Variants in RANBP3 observed in about 807,000 individuals in gnomAD.
RANBP3 encodes the protein ran-binding protein 3.
Under a neutral mutation model 77.3 loss-of-function variants are expected in RANBP3, and 14 were observed. The ratio of observed to expected loss-of-function variants is 0.18; its 90% CI spans 0.12 to 0.28. The LOEUF (loss-of-function observed/expected upper bound fraction) is 0.28, where lower values mean the gene tolerates loss of function less well. Among genes scored for constraint, RANBP3 ranks in the 10% least tolerant of loss-of-function variants. The pLI, the probability that RANBP3 is intolerant of heterozygous loss-of-function variation, is 1.00. For missense variants in RANBP3, 586 were observed against 752.3 expected, an observed-to-expected ratio of 0.78 and a Z score of 2.59; for synonymous variants, 315 against 312.4, an observed-to-expected ratio of 1.01 and a Z score of -0.09.
At chr19:5,972,359 CTG>C (rs1358227261) in intron 1 of RANBP3, among the ~76,000 whole-genome samples, 31 of 152,338 alleles carry the variant, frequency 2.0e-4, no homozygotes, top group African/African-American at 7.2e-4. Context: ...AGGAAGCAAA[CTG>C]TGGACATGTG....
In RANBP3 at chr19:5,964,848, A is replaced by AGGG. The variant is rs1327034714; in HGVS notation, c.23-6878_23-6876dup. 8.5e-4 allele frequency among the ~76,000 whole-genome samples: 4 copies of AGGG among 4,726 alleles called. No individual in the cohort carries two copies. In the East Asian group the frequency reaches 0.045, roughly 54 times the overall value. 3.1% of individuals were successfully genotyped at this position (4,726 alleles called of 152,430 possible). A position where few individuals can be genotyped will look rare whatever the true frequency, so the allele number is the denominator to read the frequency against. Reference sequence around the variant, plus strand: ...GGAAGAGGAGCTAAGTGGAGGTGGTAGGGTGGGGGGGGGGGTGGCACGGTG... The same window carrying AGGG: ...GGAAGAGGAGCTAAGTGGAGGTGGTAGGGGGGTGGGGGGGGGGGTGGCACGGTG... On this transcript the variant is annotated intron_variant, in intron 1 of 16. Transcript: ENST00000340578.
chr19:5,960,603 AAGG>A (rs1320827468), intron 1 of RANBP3, among the ~76,000 whole-genome samples: 1 of 152,064 alleles, frequency 6.6e-6, no homozygotes, highest in Non-Finnish European at 1.5e-5. Context: ...AGGGGGAGGG[AAGG>A]AGGACATTAG....
chr19:5,923,594 C>T (rs906781673), intron 12 of RANBP3, among the ~76,000 whole-genome samples: 1 of 152,214 alleles, frequency 6.6e-6, no homozygotes, highest in African/African-American at 2.4e-5. Context: ...CCTGCGCCTC[C>T]CCACCCTCCC....
At position 5,952,316 on chromosome 19, in the gene RANBP3, C is replaced by T. The variant is rs2058286015; in HGVS notation, c.79-720G>A. On this transcript the variant is annotated intron_variant, in intron 2 of 16. Transcript: ENST00000340578. The surrounding 1 kb of genome is among the most constrained non-coding windows in gnomAD (Gnocchi z 4.1). ...CAGCCTAGGATTCTCCCAGGTGCAT[C>T]CTCAACACCCCAGGCAAGGGCTCAT... 6.6e-6 allele frequency among the ~76,000 whole-genome samples: 1 copy of T among 152,102 alleles called. No individual in the cohort carries two copies. Among genetic ancestry groups the T allele is most frequent in the Non-Finnish European group, 1.5e-5 (1 of 68,016 alleles).
intron 9 of RANBP3, among the ~76,000 whole-genome samples, chr19:5,925,979 ACCTTGTTACAAAACCACG>A (rs1159802204): frequency 1.3e-5 from 2 of 152,234 alleles, no homozygotes; most frequent in African/African-American, 2.4e-5. Flanking sequence ...AGCCTTTTCC[ACCTTGTTACAAAACCACG>A]CCTTGTTATA....
At chr19:5,950,913 A>G (rs1434906844) in intron 3 of RANBP3, 1 of 174,696 alleles carries the variant, frequency 5.7e-6, no homozygotes, top group Non-Finnish European at 1.2e-5. Context: ...CCTTAACCAC[A>G]GTCCAAACAC....
intron 5 of RANBP3, among the ~76,000 whole-genome samples, chr19:5,940,318 G>A (rs1412751900): frequency 6.6e-6 from 1 of 152,158 alleles, no homozygotes; most frequent in Non-Finnish European, 1.5e-5. Context: ...TGAGGGGGAA[G>A]GAATAAAATC....
At chr19:5,936,432 C>G (rs1255141685) in intron 5 of RANBP3, among the ~76,000 whole-genome samples, 1 of 152,060 alleles carries the variant, frequency 6.6e-6, no homozygotes, top group East Asian at 1.9e-4. Flanking sequence ...TGCAGGCAGG[C>G]AGGCAGGCAG....
rs2058372227 is a variant in RANBP3 at position 5,959,309 on chromosome 19, G to C, written c.23-1336C>G. 6.6e-6 allele frequency among the ~76,000 whole-genome samples: 1 copy of C among 152,142 alleles called. No individual in the cohort carries two copies. The highest frequency in any genetic ancestry group is 1.5e-5 in the Non-Finnish European group (1 of 68,016). On this transcript the variant is annotated intron_variant, in intron 1 of 16. Coordinates refer to ENST00000340578, the MANE Select transcript of RANBP3 (RefSeq NM_007322.3). This position sits in a 1 kb window ranked among gnomAD's most constrained non-coding sequence, Gnocchi z 5.1. ...TGGCTGTGGGGAGACCAGGTGGGTA[G>C]TGACTGAGGTGGAGAGAAAGGGACA...
At chr19:5,943,361 G>T (rs2058163956) in intron 3 of RANBP3, among the ~76,000 whole-genome samples, 1 of 152,210 alleles carries the variant, frequency 6.6e-6, no homozygotes, top group Non-Finnish European at 1.5e-5. Flanking sequence ...AGGAGCCAAG[G>T]CAGACCCCCC....
chr19:5,933,723 C>T (rs924227837), intron 5 of RANBP3: 4 of 443,366 alleles, frequency 9.0e-6, no homozygotes, highest in African/African-American at 4.1e-5. Flanking sequence ...ACCATGGGGG[C>T]AGGTGGGGCG....
intron 6 of RANBP3, chr19:5,933,162 C>T (rs754958768): frequency 1.8e-5 from 8 of 453,588 alleles, no homozygotes; most frequent in Admixed American, 4.0e-5. Context: ...GGAGCCCGCC[C>T]GATGCACCCC....
At chr19:5,944,804 C>T (rs1334557071) in intron 3 of RANBP3, among the ~76,000 whole-genome samples, 2 of 152,240 alleles carry the variant, frequency 1.3e-5, no homozygotes, top group African/African-American at 2.4e-5. Flanking sequence ...AGGACATCCC[C>T]ACCCCCAAGT....
At chr19:5,936,230 C>G (rs974776706) in intron 5 of RANBP3, among the ~76,000 whole-genome samples, 1 of 152,214 alleles carries the variant, frequency 6.6e-6, no homozygotes, top group Admixed American at 6.5e-5. Flanking sequence ...CTCAGCCATG[C>G]GGTGGGCAGG....
At chr19:5,935,283 C>T (rs1183320411) in intron 5 of RANBP3, among the ~76,000 whole-genome samples, 1 of 152,182 alleles carries the variant, frequency 6.6e-6, no homozygotes, top group Non-Finnish European at 1.5e-5. Context: ...AGTCCAGCCC[C>T]AGGGGCTTCT....
At chr19:5,978,014 C>G in intron 1 of RANBP3, 47 bp downstream of exon 1, 1 of 1,606,304 alleles carries the variant, frequency 6.2e-7, no homozygotes, top group Non-Finnish European at 8.5e-7. Flanking sequence ...GTCCTCCCGC[C>G]GCCCGTTCCC....
chr19:5,964,868 A>AGGG (rs2058447688), intron 1 of RANBP3, among the ~76,000 whole-genome samples: 6 of 35,474 alleles, frequency 1.7e-4, no homozygotes, highest in Non-Finnish European at 2.1e-4. Flanking sequence ...GGGGGGTGGC[A>AGGG]CGGTGGGGGG....
At chr19:5,932,681 G>C (rs1227038003) in intron 6 of RANBP3, 137 bp from the exon 7 acceptor site, 4 of 632,772 alleles carry the variant, frequency 6.3e-6, no homozygotes, top group African/African-American at 5.6e-5. Flanking sequence ...TTAAAAACTT[G>C]AGGTCTTTTT....
chr19:5,925,812 C>T lies in RANBP3; in HGVS notation c.814-75G>A, dbSNP rs946553463. On this transcript the variant is annotated intron_variant, in intron 9 of 16. Coordinates refer to ENST00000340578, the MANE Select transcript of RANBP3 (RefSeq NM_007322.3). Reference sequence around the variant, plus strand: ...AGTTCCACAGCTCAGTGTCTGCAGACCCCCTGAGCTGCATGGAGCTGCTCG... The same window carrying T: ...AGTTCCACAGCTCAGTGTCTGCAGATCCCCTGAGCTGCATGGAGCTGCTCG... 1.3e-5 allele frequency: 16 copies of T among 1,232,852 alleles called. No individual in the cohort carries two copies. In the East Asian group the frequency reaches 2.1e-4, roughly 16 times the overall value. The allele number at this position is 1,232,852 out of a possible 1,614,324, so 76.4% of individuals were successfully genotyped here. A position where few individuals can be genotyped will look rare whatever the true frequency, so the allele number is the denominator to read the frequency against.
Sources: gnomAD v4.1 joint callset for allele counts (sites outside exome capture counted in the v4.1 genomes callset) on GRCh38, gnomAD v4.1.1 for gene constraint, Gnocchi (gnomAD v3.1) non-coding constraint, MANE v1.5 for transcripts, NCBI Gene and HGNC (gene_info 2026-07-23, HGNC 2026-07-21) for gene names.